The following SHROOM2 variants were observed in gnomAD, a reference collection of about 807,000 sequenced individuals.
SHROOM2 encodes the protein shroom family member 2.
Under a neutral mutation model 75.9 loss-of-function variants are expected in SHROOM2, and 33 were observed. That is an observed-to-expected ratio of 0.43 (90% CI 0.33 to 0.58). The LOEUF (loss-of-function observed/expected upper bound fraction) is 0.58, where lower values mean the gene tolerates loss of function less well. Among genes scored for constraint, SHROOM2 ranks in the 20% least tolerant of loss-of-function variants. SHROOM2 has a pLI of 0.04. For synonymous variants in SHROOM2, 655 were observed against 663.6 expected (o/e 0.99, Z 0.20); for missense variants, 1,434 against 1,461.2 (o/e 0.98, Z 0.30).
intron 1 of SHROOM2, among the ~76,000 whole-genome samples, chrX:9,868,029 C>T (rs561063227): frequency 4.6e-5 from 5 of 109,295 alleles, no homozygotes; most frequent in South Asian, 8.1e-4. Context: ...ACATTCCCAC[C>T]GAAAACCCCA....
chrX:9,882,538 G>A (rs1317345234), intron 2 of SHROOM2, among the ~76,000 whole-genome samples: 1 of 111,229 alleles, frequency 9.0e-6, no homozygotes, highest in African/African-American at 3.3e-5. Flanking sequence ...TTATAGAAAT[G>A]AACATTACAG....
chrX:9,878,977 G>C (rs1305858480), intron 2 of SHROOM2, among the ~76,000 whole-genome samples: 1 of 111,708 alleles, frequency 9.0e-6, no homozygotes, highest in Non-Finnish European at 1.9e-5. Context: ...GACCCTGACT[G>C]GTTTAGGCTA....
chrX:9,805,398 C>T (rs1434184178), intron 1 of SHROOM2, among the ~76,000 whole-genome samples: 3 of 112,255 alleles, frequency 2.7e-5, no homozygotes, highest in South Asian at 3.6e-4. Context: ...ATATTTCTGT[C>T]CCCCCAAAAT....
At chrX:9,893,129 G>GTT (rs2084303577) in intron 3 of SHROOM2, among the ~76,000 whole-genome samples, 3 of 110,738 alleles carry the variant, frequency 2.7e-5, no homozygotes, top group Admixed American at 1.9e-4. Flanking sequence ...TTGAAACAGG[G>GTT]TTTTACTCCA....
At chrX:9,821,771 C>T (rs1014166650) in intron 1 of SHROOM2, among the ~76,000 whole-genome samples, 3 of 111,504 alleles carry the variant, frequency 2.7e-5, no homozygotes, top group South Asian at 3.7e-4. Flanking sequence ...TGGTGGTTAC[C>T]GGGGCGGAGT....
At chrX:9,825,773 A>T (rs1034479135) in intron 1 of SHROOM2, among the ~76,000 whole-genome samples, 1 of 112,133 alleles carries the variant, frequency 8.9e-6, no homozygotes, top group Non-Finnish European at 1.9e-5. Context: ...CCCTGGCTGC[A>T]CATTTGAGTT....
At chrX:9,870,193 T>C (rs911440301) in intron 1 of SHROOM2, among the ~76,000 whole-genome samples, 2 of 111,924 alleles carry the variant, frequency 1.8e-5, no homozygotes, top group African/African-American at 6.5e-5. Context: ...GCCATTACAC[T>C]CCAGCTTGGA....
chrX:9,890,634 G>A (rs1406086456), intron 2 of SHROOM2, among the ~76,000 whole-genome samples: 1 of 111,913 alleles, frequency 8.9e-6, no homozygotes, highest in East Asian at 2.9e-4. Context: ...CGCGCTGCTT[G>A]CGGTCCCCAA....
At chrX:9,791,705 C>G (rs1276661221) in intron 1 of SHROOM2, among the ~76,000 whole-genome samples, 1 of 111,186 alleles carries the variant, frequency 9.0e-6, no homozygotes, top group African/African-American at 3.3e-5. Flanking sequence ...AAAAAAATAT[C>G]ACCAGTGCCA....
At chrX:9,877,546 ATG>A (rs1434589517) in intron 2 of SHROOM2, among the ~76,000 whole-genome samples, 1 of 111,130 alleles carries the variant, frequency 9.0e-6, no homozygotes, top group Admixed American at 9.6e-5. Flanking sequence ...TATTATGTGT[ATG>A]TGTGTGTCCA....
chrX:9,840,125 T>C (rs980515569), intron 1 of SHROOM2, among the ~76,000 whole-genome samples: 2 of 112,333 alleles, frequency 1.8e-5, no homozygotes, highest in African/African-American at 6.5e-5. Context: ...TAATATGTTT[T>C]AAAAATTAAG....
Position 9,921,191 on chromosome X carries a change from C to G in SHROOM2, c.2892-10984C>G. Among the ~76,000 whole-genome samples the G allele has an allele frequency of 2.7e-5, 3 of 111,748 alleles. No individual in the cohort carries two copies. The South Asian group carries it at 1.1e-3, about 42-fold the overall frequency. On this transcript the variant is annotated intron_variant, in intron 5 of 9. Transcript: ENST00000380913. Reference sequence around the variant, plus strand: ...CTCACAACATGGTTGTTGGCTTCCCCGCTGTGAGTTATCCTCGGGAGAGAG... The same window carrying G: ...CTCACAACATGGTTGTTGGCTTCCCGGCTGTGAGTTATCCTCGGGAGAGAG...
intron 1 of SHROOM2, among the ~76,000 whole-genome samples, chrX:9,826,230 T>C (rs2083886915): frequency 8.9e-6 from 1 of 112,094 alleles, no homozygotes; most frequent in Non-Finnish European, 1.9e-5. Context: ...TTTTTGCACA[T>C]TGGAATTTGC....
chrX:9,878,584 C>A (rs755514957), intron 2 of SHROOM2, among the ~76,000 whole-genome samples: 47 of 112,373 alleles, frequency 4.2e-4, no homozygotes, highest in Non-Finnish European at 9.4e-5. Flanking sequence ...GCTGTGCCCC[C>A]CTCTGCTGCT....
At chrX:9,904,522 A>G (rs367566343) in intron 5 of SHROOM2, among the ~76,000 whole-genome samples, 1 of 111,221 alleles carries the variant, frequency 9.0e-6, no homozygotes, top group East Asian at 2.8e-4. Flanking sequence ...CAGCAGCCCC[A>G]TCCCTGGAGC....
Position 9,901,779 on chromosome X carries a change from C to T in SHROOM2, c.2891+3489C>T, listed in dbSNP as rs139739797. Among the ~76,000 whole-genome samples, 374 of 112,436 alleles carry T rather than the reference C, an allele frequency of 3.3e-3. 4 individuals carry two copies. The highest frequency in any genetic ancestry group is 0.012 in the African/African-American group (360 of 30,999). On this transcript the variant is annotated intron_variant, in intron 5 of 9. Coordinates refer to ENST00000380913, the MANE Select transcript of SHROOM2 (RefSeq NM_001649.4). ...CTCACATCACGGATGTATTTGTACA[C>T]CTTCACTATTCCTTGCTGTCTGCTG...
rs1005182131 is a variant in SHROOM2 at position 9,830,975 on chromosome X, G to C, written c.166-42677G>C. Among the ~76,000 whole-genome samples the C allele has an allele frequency of 9.5e-4, 106 of 112,117 alleles. 1 individual carries two copies. Among genetic ancestry groups the C allele is most frequent in the African/African-American group, 2.8e-3 (88 of 30,918 alleles). On this transcript the variant is annotated intron_variant, in intron 1 of 9. Coordinates refer to ENST00000380913, the MANE Select transcript of SHROOM2 (RefSeq NM_001649.4). ...GCATGGGTCTCACGAGAGGCATCTT[G>C]TGAGTTCTGAGTTTAGGCAGAAGGC...
At chrX:9,892,376 G>A (rs1462389464) in intron 3 of SHROOM2, among the ~76,000 whole-genome samples, 1 of 109,908 alleles carries the variant, frequency 9.1e-6, no homozygotes, top group African/African-American at 3.3e-5. Context: ...GACAAAAGAT[G>A]ATGGTATTTA....
chrX:9,894,950 C>T lies in SHROOM2; in HGVS notation c.1042C>T (p.His348Tyr), dbSNP rs1471923420. The T allele has an allele frequency of 8.3e-7, 1 of 1,209,222 alleles. No homozygotes were observed. The highest frequency in any genetic ancestry group is 1.7e-5 in the African/African-American group (1 of 57,304). Residue 348 changes from histidine to tyrosine, a missense_variant, in exon 4 of 10, where the codon CAC becomes TAC. His to Tyr is a moderately conservative substitution (Grantham distance 83, BLOSUM62 2). This residue lies in a region of SHROOM2 where 1,340 missense variants were observed against 1,338.3 expected (regional missense o/e 1.00). Coordinates refer to ENST00000380913, the MANE Select transcript of SHROOM2 (RefSeq NM_001649.4). The part of the protein sequence containing the change: ...PVFSEAAAAQ[H>Y]FTALAQAQPR... ...GTTCTCAGAGGCGGCTGCGGCACAG[C>T]ACTTTACGGCCCTGGCCCAGGCTCA...
Sources: gnomAD v4.1 joint callset for allele counts (sites outside exome capture counted in the v4.1 genomes callset) on GRCh38, gnomAD v4.1.1 for gene constraint, gnomAD v4.1.1 regional missense constraint, MANE v1.5 for transcripts, NCBI Gene and HGNC (gene_info 2026-07-23, HGNC 2026-07-21) for gene names.